The following CLVS1 variants were observed in gnomAD, a reference collection of about 807,000 sequenced individuals.
The protein encoded by CLVS1 is clavesin 1, also known as clavesin-1.
Under a neutral mutation model 33.1 loss-of-function variants are expected in CLVS1, and 10 were observed. The ratio of observed to expected loss-of-function variants is 0.30; its 90% CI spans 0.19 to 0.51. The LOEUF (loss-of-function observed/expected upper bound fraction) is 0.51. CLVS1 is among the 20% of genes least tolerant of loss of function. The pLI, the probability that CLVS1 is intolerant of heterozygous loss-of-function variation, is 0.97. For synonymous variants in CLVS1, 163 were observed against 166.1 expected (o/e 0.98, Z 0.14); for missense variants, 343 against 433.4 (o/e 0.79, Z 1.85).
At chr8:61,055,889 T>C (rs986813466), upstream of CLVS1, among the ~76,000 whole-genome samples, 2 of 152,254 alleles carry the variant, frequency 1.3e-5, no homozygotes, top group Non-Finnish European at 2.9e-5. Flanking sequence ...CTCCATGATA[T>C]GGTTCAGAGG....
intron 2 of CLVS1, among the ~76,000 whole-genome samples, chr8:61,151,616 G>A (rs1806537789): frequency 6.6e-6 from 1 of 152,140 alleles, no homozygotes; most frequent in South Asian, 2.1e-4. Context: ...GAGGCAGTGA[G>A]GGATGGGAGC....
At chr8:61,498,786 G>C (rs1185210454) in intron 5 of CLVS1, among the ~76,000 whole-genome samples, 2 of 152,166 alleles carry the variant, frequency 1.3e-5, no homozygotes, top group African/African-American at 4.8e-5. Flanking sequence ...ATACAGGTGA[G>C]AGAATCAAGG....
intron 2 of CLVS1, among the ~76,000 whole-genome samples, chr8:61,134,259 C>T (rs373762525): frequency 7.9e-5 from 12 of 152,174 alleles, no homozygotes; most frequent in Admixed American, 3.9e-4. Flanking sequence ...GGAAGACCCC[C>T]GCCCTCCAGT....
chr8:61,333,354 A>G (rs1426677375), intron 2 of CLVS1, among the ~76,000 whole-genome samples: 1 of 152,194 alleles, frequency 6.6e-6, no homozygotes, highest in Admixed American at 6.5e-5. Flanking sequence ...TTAAATCTTT[A>G]CAGGCCACAG....
rs187952614 is a variant in CLVS1, at chr8:61,112,006, C to T, written c.-242-19764C>T. Among the ~76,000 whole-genome samples, 303 of 151,838 alleles carry T rather than the reference C, an allele frequency of 2.0e-3. 3 individuals are homozygous for T. Among genetic ancestry groups the T allele is most frequent in the African/African-American group, 5.8e-3 (240 of 41,386 alleles). ...GTACTGTAGAATTCTTGTTGAATAT[C>T]CCCTAAGTATTTAATTTTTGTTTGC... On this transcript the variant is annotated intron_variant, in intron 1 of 2. Coordinates refer to the CLVS1 transcript ENST00000522621.
chr8:61,414,582 G>GTTT (rs1262698623), intron 3 of CLVS1, among the ~76,000 whole-genome samples: 1 of 152,122 alleles, frequency 6.6e-6, no homozygotes, highest in African/African-American at 2.4e-5. Flanking sequence ...TGTTTTGGCT[G>GTTT]GGGCTGCGAG....
the CLVS1 span, among the ~76,000 whole-genome samples, chr8:61,001,824 T>A: frequency 6.6e-6 from 1 of 152,250 alleles, no homozygotes; most frequent in Non-Finnish European, 1.5e-5. Flanking sequence ...GGGACATTCT[T>A]CCTTTACACC....
chr8:61,153,486 G>C (rs1806584326), intron 2 of CLVS1, among the ~76,000 whole-genome samples: 1 of 152,204 alleles, frequency 6.6e-6, no homozygotes, highest in Admixed American at 6.5e-5. Context: ...ATTTCTCCAG[G>C]GTCAATGGTG....
At chr8:61,039,401 T>C in the CLVS1 span, among the ~76,000 whole-genome samples, 1 of 152,252 alleles carries the variant, frequency 6.6e-6, no homozygotes, top group Admixed American at 6.5e-5. Flanking sequence ...TGGGGCCTTC[T>C]GTGGCTCACT....
intron 2 of CLVS1, among the ~76,000 whole-genome samples, chr8:61,321,734 A>T (rs1207145387): frequency 2.0e-5 from 3 of 152,116 alleles, no homozygotes; most frequent in Non-Finnish European, 2.9e-5. Flanking sequence ...GGGATTATTT[A>T]AAAAATGATA....
chr8:61,047,941 A>G, the CLVS1 span, among the ~76,000 whole-genome samples: 1 of 144,228 alleles, frequency 6.9e-6, no homozygotes, highest in Non-Finnish European at 1.5e-5. Flanking sequence ...TTAAAGTATA[A>G]TAATAATAAA....
At chr8:61,339,711 A>AAGAGAGAAAGAGGGAAGGAGGG (rs1811943562) in intron 2 of CLVS1, among the ~76,000 whole-genome samples, 2 of 151,688 alleles carry the variant, frequency 1.3e-5, no homozygotes, top group African/African-American at 2.4e-5. Context: ...GAGAGAGAGA[A>AAGAGAGAAAGAGGGAAGGAGGG]AGAGAGAAAG....
chr8:61,280,166 C>A (rs1258516073), intron 2 of CLVS1, among the ~76,000 whole-genome samples: 1 of 152,142 alleles, frequency 6.6e-6, no homozygotes, highest in African/African-American at 2.4e-5. Flanking sequence ...TTTTGGAATT[C>A]AAAATGATGT....
chr8:61,077,655 T>C (rs1231254624), intron 1 of CLVS1, among the ~76,000 whole-genome samples: 1 of 152,096 alleles, frequency 6.6e-6, no homozygotes, highest in Non-Finnish European at 1.5e-5. Flanking sequence ...TTTGTATTTT[T>C]ATTAGAGACG....
chr8:61,499,683 G>A lies in CLVS1; in HGVS notation c.*141G>A, dbSNP rs1804493668. 3.8e-6 allele frequency: 2 copies of A among 525,666 alleles called. No individual in the cohort carries two copies. Among genetic ancestry groups the A allele is most frequent in the Non-Finnish European group, 3.4e-6 (1 of 292,820 alleles). The allele number at this position is 525,666 out of a possible 1,614,324, so 32.6% of individuals were successfully genotyped here. On this transcript the variant is annotated 3_prime_UTR_variant, in exon 6 of 6. Coordinates refer to ENST00000325897, the MANE Select transcript of CLVS1 (RefSeq NM_173519.3). Reference sequence around the variant, plus strand: ...CCACTCCTGAACCCCTGCAGTGACTGTCACCAGCCATCGGTCTGAGCAGCC... The same window carrying A: ...CCACTCCTGAACCCCTGCAGTGACTATCACCAGCCATCGGTCTGAGCAGCC...
At chr8:61,473,341 TAAAAAAA>T (rs58281654) in intron 5 of CLVS1, among the ~76,000 whole-genome samples, 4 of 96,210 alleles carry the variant, frequency 4.2e-5, no homozygotes, top group East Asian at 6.1e-4. Flanking sequence ...TCACGGAATT[TAAAAAAA>T]AAAAAAAAAA....
rs191424489 is a variant in CLVS1, at chr8:61,190,440, A to C, written c.-152+58580A>C. Among the ~76,000 whole-genome samples the C allele has an allele frequency of 5.7e-3, 864 of 152,304 alleles. 6 individuals are homozygous for C. Among genetic ancestry groups the C allele is most frequent in the African/African-American group, 0.02 (833 of 41,566 alleles). ...AAAGCACAAAAGATCTAAAATTGAC[A>C]CCCTAACATCACAATTGAAAGAACT... On this transcript the variant is annotated intron_variant, in intron 2 of 2. Transcript: ENST00000522621.
chr8:60,976,271 T>C, the CLVS1 span, among the ~76,000 whole-genome samples: 1 of 152,122 alleles, frequency 6.6e-6, no homozygotes, highest in Non-Finnish European at 1.5e-5. Flanking sequence ...ATGACCCACA[T>C]TGAAAAAATG....
intron 5 of CLVS1, among the ~76,000 whole-genome samples, chr8:61,479,345 G>A (rs62526498): frequency 0.57 from 86,004 of 151,742 alleles, 27,851 homozygotes; most frequent in Non-Finnish European, 0.72. Context: ...ATTTTTCATC[G>A]CTGATACCCT....
Sources: allele counts gnomAD v4.1 joint callset (sites outside exome capture counted in the v4.1 genomes callset), GRCh38; gene constraint gnomAD v4.1.1; transcripts MANE v1.5; gene names NCBI Gene and HGNC (gene_info 2026-07-23, HGNC 2026-07-21).